PRPF31: variants seen among roughly 807,000 people sequenced by gnomAD.
The protein encoded by PRPF31 is pre-mRNA processing factor 31.
A neutral mutation model predicts 60.4 loss-of-function variants in PRPF31; 12 were observed. The ratio of observed to expected loss-of-function variants is 0.20; its 90% confidence interval spans 0.13 to 0.32. PRPF31 has a LOEUF of 0.32. PRPF31 is among the 10% of genes least tolerant of loss of function. The probability of loss-of-function intolerance (pLI) is 1.00; values close to 1 mark genes in which losing one functional copy is unlikely to be tolerated. For missense variants in PRPF31, 431 were observed against 687.1 expected, an observed-to-expected ratio of 0.63 and a Z score of 4.17; for synonymous variants, 287 against 287.9, an observed-to-expected ratio of 1.00 and a Z score of 0.03.
At chr19:54,117,470 A>G (rs587721892) in intron 1 of PRPF31, among the ~76,000 whole-genome samples, 17 of 152,302 alleles carry the variant, frequency 1.1e-4, no homozygotes, top group Middle Eastern at 3.4e-3. Flanking sequence ...TGTCAAGTCA[A>G]CAATGGCCAC....
At chr19:54,124,043 C>T (rs2146422358) in intron 7 of PRPF31, 125 bp downstream of exon 7, 1 of 1,518,836 alleles carries the variant, frequency 6.6e-7, no homozygotes. Flanking sequence ...TCTCCCTGGA[C>T]ATCACAGAGG....
rs1210380531 is a variant in PRPF31 at position 54,131,515 on chromosome 19, C to T, written c.*83C>T. 1.6e-5 allele frequency: 25 copies of T among 1,545,022 alleles called. No homozygotes were observed. The highest frequency in any genetic ancestry group is 2.0e-5 in the Non-Finnish European group (23 of 1,139,616). On this transcript the variant is annotated 3_prime_UTR_variant, in exon 14 of 14. Transcript: ENST00000321030. The stretch of plus-strand genomic sequence containing the variant: ...CTGAAGGGCTAGGATCGGGTTCTGG[C>T]AGGGAGAACCTGCCCTGCCACTGGC...
chr19:54,127,154 C>T lies in PRPF31; in HGVS notation c.945+537C>T, dbSNP rs587776317. Among the ~76,000 whole-genome samples the T allele has an allele frequency of 2.0e-5, 3 of 152,300 alleles. No homozygotes were observed. The East Asian group carries it at 5.8e-4, about 29-fold the overall frequency. Reference sequence around the variant, plus strand: ...ACAAAAAACAGTACAGGTTTATTATCTGTGGTCCTGTAGGTCAGAAGTCCA... The same window carrying T: ...ACAAAAAACAGTACAGGTTTATTATTTGTGGTCCTGTAGGTCAGAAGTCCA... On this transcript the variant is annotated intron_variant, in intron 9 of 13. Transcript: ENST00000321030.
In PRPF31 at chr19:54,118,468, G is replaced by A; in HGVS notation, c.177+13G>A. 4 of 1,614,032 alleles carry A rather than the reference G, an allele frequency of 2.5e-6. No homozygotes were observed. The highest frequency in any genetic ancestry group is 1.1e-5 in the South Asian group (1 of 91,088). On this transcript the variant is annotated intron_variant, in intron 2 of 13. Coordinates refer to ENST00000321030, the MANE Select transcript of PRPF31 (RefSeq NM_015629.4). ...GGATAGTAAGATGGTAAGAGGACAAGAGGTGTTCCTAGCAGGGGGCTCTAG... is the reference window on the plus strand; with the variant it reads ...GGATAGTAAGATGGTAAGAGGACAAAAGGTGTTCCTAGCAGGGGGCTCTAG...
chr19:54,121,975 C>T (rs587730228), intron 4 of PRPF31, 32 bp downstream of exon 4: 46 of 1,586,384 alleles, frequency 2.9e-5, no homozygotes, highest in African/African-American at 8.0e-5. Flanking sequence ...GAGACAGCCC[C>T]GTGTGACGTC....
intron 9 of PRPF31, among the ~76,000 whole-genome samples, chr19:54,127,142 C>G (rs773841904): frequency 6.6e-6 from 1 of 152,120 alleles, no homozygotes; most frequent in East Asian, 1.9e-4. Context: ...AAAAACAGTA[C>G]AGGTTTATTA....
At chr19:54,116,815 C>T (rs1269970532) in intron 1 of PRPF31, among the ~76,000 whole-genome samples, 1 of 152,158 alleles carries the variant, frequency 6.6e-6, no homozygotes, top group Non-Finnish European at 1.5e-5. Flanking sequence ...GTGAGGAGAG[C>T]CAGACGCCAT....
chr19:54,128,924 G>A, intron 11 of PRPF31, 133 bp from the exon 12 acceptor site: 3 of 925,186 alleles, frequency 3.2e-6, no homozygotes, highest in Non-Finnish European at 5.1e-6. Flanking sequence ...CGGGCCGAGT[G>A]GGTACCGGAG....
chr19:54,128,507 C>CA (rs1467996717), intron 11 of PRPF31, 130 bp downstream of exon 11: 107 of 946,670 alleles, frequency 1.1e-4, no homozygotes, highest in South Asian at 5.1e-4. Flanking sequence ...CAGCCTCCCC[C>CA]CCCCCGGCCT....
chr19:54,121,775 C>G (rs2073794773), intron 3 of PRPF31, 85 bp from the exon 4 acceptor site: 1 of 1,362,296 alleles, frequency 7.3e-7, no homozygotes, highest in African/African-American at 1.4e-5. Flanking sequence ...CCCCTCCCAA[C>G]TTCATCCTCC....
At chr19:54,124,249 G>T (rs1314991875) in intron 7 of PRPF31, 2 of 631,266 alleles carry the variant, frequency 3.2e-6, no homozygotes, top group Non-Finnish European at 5.5e-6. Context: ...GCACAAACGT[G>T]GTGGTCAGCT....
intron 4 of PRPF31, 99 bp downstream of exon 4, chr19:54,122,042 C>T: frequency 1.6e-6 from 2 of 1,286,924 alleles, no homozygotes. Context: ...CCCCTAAGCC[C>T]AAGCTCAGAT....
chr19:54,123,040 C>T (rs1279969902), intron 5 of PRPF31: 6 of 438,620 alleles, frequency 1.4e-5, no homozygotes, highest in African/African-American at 2.0e-5. Context: ...GGAAGGGTTT[C>T]GGAAAAGAGG....
rs750573765 is a variant in PRPF31, at chr19:54,121,879, C to T, written c.258C>T (p.Ala86=). 8.1e-6 allele frequency: 13 copies of T among 1,611,990 alleles called. No homozygotes were observed. Among genetic ancestry groups the T allele is most frequent in the African/African-American group, 6.7e-5 (5 of 74,998 alleles). ...TCACAGTGATGGGACCAGTGGAGGC[C>T]GCGCCTGAATACCGCGTCATCGTGG... ...KASEVMGPVE[A]APEYRVIVDA... Residue 86 remains alanine, a synonymous_variant, in exon 4 of 14, where the codon GCC becomes GCT. Coordinates refer to ENST00000321030, the MANE Select transcript of PRPF31 (RefSeq NM_015629.4).
At position 54,120,190 on chromosome 19, in the gene PRPF31, G is replaced by A. The variant is rs62143396; in HGVS notation, c.238+1557G>A. The A allele has an allele frequency of 7.7e-3, 1,181 of 152,410 alleles. 11 individuals are homozygous for A. Among genetic ancestry groups the A allele is most frequent in the Non-Finnish European group, 0.013 (910 of 68,106 alleles). 9.4% of individuals were successfully genotyped at this position (152,410 alleles called of 1,614,324 possible). A position where few individuals can be genotyped will look rare whatever the true frequency, so the allele number is the denominator to read the frequency against. Reference sequence around the variant, plus strand: ...GCCCGGGGCCTCAGATATCCGGAGAGAGAATCCTGCAGAGTTCCAGATGCC... The same window carrying A: ...GCCCGGGGCCTCAGATATCCGGAGAAAGAATCCTGCAGAGTTCCAGATGCC... On this transcript the variant is annotated intron_variant, in intron 3 of 13. Coordinates refer to ENST00000321030, the MANE Select transcript of PRPF31 (RefSeq NM_015629.4).
At chr19:54,124,199 C>G (rs1301714401) in intron 7 of PRPF31, 2 of 675,524 alleles carry the variant, frequency 3.0e-6, no homozygotes, top group East Asian at 5.5e-5. Flanking sequence ...AAAATGGTTC[C>G]AAAACACAGC....
chr19:54,121,952 T>C lies in PRPF31; in HGVS notation c.322+9T>C, dbSNP rs1568586794. On this transcript the variant is annotated intron_variant, in intron 4 of 13. Transcript: ENST00000321030. The stretch of plus-strand genomic sequence containing the variant: ...GATCGAAAACGAGCTGAGTGAGTGC[T>C]GGGGGGCAGGCGGAGACAGCCCCGT... The C allele has an allele frequency of 1.2e-6, 2 of 1,609,264 alleles. No homozygotes were observed. The highest frequency in any genetic ancestry group is 2.2e-5 in the East Asian group (1 of 44,734).
intron 7 of PRPF31, 114 bp from the exon 8 acceptor site, chr19:54,124,385 C>G: frequency 9.7e-7 from 1 of 1,025,996 alleles, no homozygotes. Flanking sequence ...GGAATCCAAC[C>G]AGAACTTCAT....
chr19:54,123,390 C>A, intron 5 of PRPF31, 64 bp from the exon 6 acceptor site: 1 of 1,245,034 alleles, frequency 8.0e-7, no homozygotes, highest in Non-Finnish European at 1.2e-6. Flanking sequence ...AGGTGCTGAG[C>A]AAGAGAGGTT....
Sources: gnomAD v4.1 joint callset for allele counts (sites outside exome capture counted in the v4.1 genomes callset) on GRCh38, gnomAD v4.1.1 for gene constraint, MANE v1.5 for transcripts, NCBI Gene and HGNC (gene_info 2026-07-23, HGNC 2026-07-21) for gene names.